Variants in TBC1D1 observed in about 807,000 individuals in gnomAD.
TBC1D1 encodes the protein TBC1 (tre-2/USP6, BUB2, cdc16) domain family, member 1.
TBC1D1 carries 89 observed loss-of-function variants against 125.6 expected under a neutral mutation model. The ratio of observed to expected loss-of-function variants is 0.71; its 90% confidence interval spans 0.60 to 0.85. The LOEUF is 0.85. Ranked by LOEUF, TBC1D1 falls within the 40% of genes least tolerant of loss-of-function variation. The probability of loss-of-function intolerance (pLI) is 0.00; values close to 1 mark genes in which losing one functional copy is unlikely to be tolerated. For synonymous variants in TBC1D1, 565 were observed against 564.1 expected (o/e 1.00, Z -0.02); for missense variants, 1,377 against 1,469.2 (o/e 0.94, Z 1.03).
At chr4:37,955,501 T>C (rs1728753842) in intron 2 of TBC1D1, among the ~76,000 whole-genome samples, 1 of 152,234 alleles carries the variant, frequency 6.6e-6, no homozygotes, top group Non-Finnish European at 1.5e-5. Flanking sequence ...CTCAATACAG[T>C]GTAAATGCTA....
rs781291969 is a variant in TBC1D1, at chr4:37,995,186, G to T, written c.418-19323G>T. ...TGACCTGGAGCGATGGGTGCTAAAA[G>T]GAGATGAGATTTTCTTCCTCATATG... On this transcript the variant is annotated intron_variant, in intron 2 of 19. Transcript: ENST00000261439. This position sits in a 1 kb window ranked among gnomAD's most constrained non-coding sequence, Gnocchi z 4.3. 1.4e-4 allele frequency among the ~76,000 whole-genome samples: 22 copies of T among 152,190 alleles called. No individual in the cohort carries two copies. The highest frequency in any genetic ancestry group is 6.5e-5 in the Admixed American group (1 of 15,274).
chr4:38,084,835 A>G (rs560399877), intron 12 of TBC1D1, among the ~76,000 whole-genome samples: 3 of 152,174 alleles, frequency 2.0e-5, no homozygotes, highest in East Asian at 1.9e-4. Flanking sequence ...GAGAATAAGG[A>G]TCTGTCTACT....
At chr4:37,938,235 G>A (rs963085238) in intron 2 of TBC1D1, among the ~76,000 whole-genome samples, 5 of 152,070 alleles carry the variant, frequency 3.3e-5, no homozygotes, top group African/African-American at 9.7e-5. Flanking sequence ...TTATATGTAC[G>A]TACCTATAAG....
intron 1 of TBC1D1, among the ~76,000 whole-genome samples, chr4:37,900,716 C>CA (rs1715785723): frequency 6.6e-6 from 1 of 152,220 alleles, no homozygotes; most frequent in African/African-American, 2.4e-5. Context: ...CAGCTTTGAA[C>CA]AAAAGGGTTT....
intron 1 of TBC1D1, among the ~76,000 whole-genome samples, chr4:37,899,620 G>T (rs542588821): frequency 1.8e-4 from 27 of 151,940 alleles, no homozygotes; most frequent in African/African-American, 6.1e-4. Flanking sequence ...CATAGGCAAA[G>T]TGCGTGGTAC....
chr4:37,965,367 G>A (rs573446001), intron 2 of TBC1D1, among the ~76,000 whole-genome samples: 1 of 152,298 alleles, frequency 6.6e-6, no homozygotes, highest in East Asian at 1.9e-4. Context: ...TGGCAGATAG[G>A]AAGCACTCAA....
intron 2 of TBC1D1, among the ~76,000 whole-genome samples, chr4:37,957,436 A>T (rs1302327154): frequency 6.6e-6 from 1 of 152,164 alleles, no homozygotes; most frequent in Non-Finnish European, 1.5e-5. Flanking sequence ...CCTGAGCAAC[A>T]CAGCAGGACC....
intron 2 of TBC1D1, among the ~76,000 whole-genome samples, chr4:37,986,247 G>A (rs1170659732): frequency 6.6e-6 from 1 of 152,166 alleles, no homozygotes; most frequent in Non-Finnish European, 1.5e-5. Context: ...GACACCCAGA[G>A]CGATGAAGTA....
chr4:37,977,445 C>T lies in TBC1D1; in HGVS notation c.418-37064C>T. ...CCCCGGCCGCCCGCGGGCCCACGGG[C>T]CGGCGGCGGGAGTGAGCGGGAGCCG... On this transcript the variant is annotated intron_variant, in intron 2 of 19. Coordinates refer to ENST00000261439, the MANE Select transcript of TBC1D1 (RefSeq NM_015173.4). The surrounding 1 kb of genome is among the most constrained non-coding windows in gnomAD (Gnocchi z 4.3). 2.0e-6 allele frequency: 2 copies of T among 981,166 alleles called. No individual in the cohort carries two copies. The highest frequency in any genetic ancestry group is 2.4e-6 in the Non-Finnish European group (2 of 824,086). 60.8% of individuals were successfully genotyped at this position (981,166 alleles called of 1,614,324 possible).
At chr4:38,093,528 T>G (rs60475933) in intron 13 of TBC1D1, among the ~76,000 whole-genome samples, 2 of 101,572 alleles carry the variant, frequency 2.0e-5, no homozygotes, top group South Asian at 7.1e-4. Context: ...TTCCCCCCCC[T>G]TTTTTTTTTT....
chr4:38,075,106 T>G (rs1466279895), intron 12 of TBC1D1, among the ~76,000 whole-genome samples: 1 of 152,194 alleles, frequency 6.6e-6, no homozygotes, highest in Admixed American at 6.5e-5. Context: ...TTTAATGATG[T>G]TTTTAGTCCA....
At position 37,995,270 on chromosome 4, in the gene TBC1D1, G is replaced by A. The variant is rs1737551001; in HGVS notation, c.418-19239G>A. On this transcript the variant is annotated intron_variant, in intron 2 of 19. Transcript: ENST00000261439. This position sits in a 1 kb window ranked among gnomAD's most constrained non-coding sequence, Gnocchi z 4.3. Reference sequence around the variant, plus strand: ...AATGTTAGCAGAGGGTTAGGCACTGGCTACGAATTCAGACTTGGAAACTTC... The same window carrying A: ...AATGTTAGCAGAGGGTTAGGCACTGACTACGAATTCAGACTTGGAAACTTC... Among the ~76,000 whole-genome samples the A allele has an allele frequency of 6.6e-6, 1 of 152,166 alleles. No individual in the cohort carries two copies. Among genetic ancestry groups the A allele is most frequent in the African/African-American group, 2.4e-5 (1 of 41,434 alleles).
rs1311541626 is a variant in TBC1D1 at position 38,048,919 on chromosome 4, AT to A, written c.1630-697del. On this transcript the variant is annotated intron_variant, in intron 10 of 19. Coordinates refer to ENST00000261439, the MANE Select transcript of TBC1D1 (RefSeq NM_015173.4). ...GTTTGAGCACTCACTCCATAGATTT[AT>A]TGCATACCTAATAAAACAATAACTT... Among the ~76,000 whole-genome samples, 20 of 152,322 alleles carry A rather than the reference AT, an allele frequency of 1.3e-4. No individual in the cohort carries two copies. In the East Asian group the frequency reaches 3.9e-3, roughly 29 times the overall value.
intron 12 of TBC1D1, among the ~76,000 whole-genome samples, chr4:38,068,581 G>A (rs1293855812): frequency 6.6e-6 from 1 of 152,096 alleles, no homozygotes; most frequent in African/African-American, 2.4e-5. Context: ...GTGTCTTCGG[G>A]TTATTTATCT....
At chr4:38,039,000 A>G (rs980082034) in intron 8 of TBC1D1, among the ~76,000 whole-genome samples, 8 of 150,104 alleles carry the variant, frequency 5.3e-5, no homozygotes, top group Non-Finnish European at 1.0e-4. Context: ...TTCGTCTTCT[A>G]GTCAGTCCTC....
At chr4:37,942,171 A>G (rs926753355) in intron 2 of TBC1D1, among the ~76,000 whole-genome samples, 2 of 152,090 alleles carry the variant, frequency 1.3e-5, no homozygotes, top group Admixed American at 6.5e-5. Flanking sequence ...TCTCTTTGTA[A>G]GTCTCTAAGG....
At chr4:38,052,187 G>A (rs1750700623) in intron 11 of TBC1D1, 127 bp downstream of exon 12, 4 of 790,340 alleles carry the variant, frequency 5.1e-6, no homozygotes, top group Non-Finnish European at 8.0e-6. Context: ...GTGTGTGTGT[G>A]TGTGTGTGCG....
intron 10 of TBC1D1, 89 bp from the exon 11 acceptor site, chr4:38,049,529 C>A: frequency 1.4e-6 from 2 of 1,439,366 alleles, no homozygotes; most frequent in Non-Finnish European, 1.9e-6. Flanking sequence ...TACTTAGATA[C>A]TGCAATGTTT....
intron 2 of TBC1D1, among the ~76,000 whole-genome samples, chr4:37,912,357 T>C (rs1427701434): frequency 6.6e-6 from 1 of 152,184 alleles, no homozygotes; most frequent in Admixed American, 6.6e-5. Flanking sequence ...GTAGAAAATA[T>C]AGTATGTGCC....
Sources: allele counts gnomAD v4.1 joint callset (sites outside exome capture counted in the v4.1 genomes callset), GRCh38; gene constraint gnomAD v4.1.1; non-coding constraint Gnocchi (gnomAD v3.1); transcripts MANE v1.5; gene names NCBI Gene and HGNC (gene_info 2026-07-23, HGNC 2026-07-21).